The following CD40 variants were observed in gnomAD, a reference collection of about 807,000 sequenced individuals.
CD40 encodes CD40 molecule.
A neutral mutation model predicts 38.5 loss-of-function variants in CD40; 19 were observed. That is an observed-to-expected ratio of 0.49 (90% CI 0.34 to 0.72). CD40 has a LOEUF of 0.72. Ranked by LOEUF, CD40 falls within the 30% of genes least tolerant of loss-of-function variation. CD40 has a pLI of 0.01. For synonymous variants in CD40, 130 were observed against 128.7 expected (o/e 1.01, Z -0.07); for missense variants, 256 against 344.1 (o/e 0.74, Z 2.03).
intron 5 of CD40, among the ~76,000 whole-genome samples, chr20:46,125,299 A>T (rs1186962673): frequency 1.3e-5 from 2 of 151,310 alleles, no homozygotes; most frequent in Non-Finnish European, 2.9e-5. Flanking sequence ...TAATTGCAGC[A>T]CTTTGGGAGG....
Position 46,128,143 on chromosome 20 carries a change from C to G in CD40, c.565C>G (p.Gln189Glu). 1 of 1,613,796 alleles carries G rather than the reference C, an allele frequency of 6.2e-7. No homozygotes were observed. Among genetic ancestry groups the G allele is most frequent in the Non-Finnish European group, 8.5e-7 (1 of 1,179,898 alleles). The part of the protein sequence containing the change: ...TNKTDVVCGP[Q>E]DRLRALVVIP... ...TGAAGTCCTGATTTCTCCAGGTCCC[C>G]AGGATCGGCTGAGAGCCCTGGTGGT... is the stretch of plus-strand genomic sequence containing the variant. The change falls in exon 7 of 9, where the codon CAG (glutamine) becomes GAG (glutamate). Residue 189 changes from glutamine (Q) to glutamate (E), a missense_variant. Coordinates refer to ENST00000372285, the MANE Select transcript of CD40 (RefSeq NM_001250.6).
At chr20:46,119,892 G>C (rs1277671349) in intron 1 of CD40, among the ~76,000 whole-genome samples, 1 of 152,168 alleles carries the variant, frequency 6.6e-6, no homozygotes, top group Non-Finnish European at 1.5e-5. Context: ...CCAGAACTAT[G>C]GGGAGTGAGA....
chr20:46,122,410 A>G lies in CD40; in HGVS notation c.256+52A>G. 9 of 1,612,550 alleles carry G rather than the reference A, an allele frequency of 5.6e-6. No individual in the cohort carries two copies. Among genetic ancestry groups the G allele is most frequent in the Non-Finnish European group, 7.6e-6 (9 of 1,179,162 alleles). The stretch of plus-strand genomic sequence containing the variant: ...CTTGGGAACCGGGCTGATATTCCCG[A>G]CAATGCAGCCATTCTAATTTTATGT... On this transcript the variant is annotated intron_variant, in intron 3 of 8. Transcript: ENST00000372285. This position sits in a 1 kb window ranked among gnomAD's most constrained non-coding sequence, Gnocchi z 5.0.
Position 46,118,420 on chromosome 20 carries a change from C to A in CD40, c.51+26C>A, listed in dbSNP as rs759667623. 7 of 1,435,656 alleles carry A rather than the reference C, an allele frequency of 4.9e-6. No individual in the cohort carries two copies. In the African/African-American group the frequency reaches 8.7e-5, roughly 18 times the overall value. The allele number at this position is 1,435,656 out of a possible 1,614,324, so 88.9% of individuals were successfully genotyped here. ...GTGAGTTGTTTTTGCCCCGACCAGA[C>A]GGGAGTTGGGAGTGGGGAATGAGAA... On this transcript the variant is annotated intron_variant, in intron 1 of 8. Coordinates refer to ENST00000372285, the MANE Select transcript of CD40 (RefSeq NM_001250.6).
At chr20:46,124,751 GTTTTTTTTTT>G (rs780015926) in intron 5 of CD40, among the ~76,000 whole-genome samples, 119 of 73,936 alleles carry the variant, frequency 1.6e-3, no homozygotes, top group Admixed American at 5.5e-3. Context: ...CACTGGTATA[GTTTTTTTTTT>G]TTTTTTTTTT....
At position 46,121,843 on chromosome 20, in the gene CD40, A is replaced by T; in HGVS notation, c.75A>T (p.Ala25=). Residue 25 remains alanine, a synonymous_variant, in exon 2 of 9, where the codon GCA becomes GCT. Transcript: ENST00000372285. ...LTAVHPEPPT[A]CREKQYLINS... is the part of the protein sequence containing the mutation. ...AGGTCCATCCAGAACCACCCACTGCATGCAGAGAAAAACAGTACCTAATAA... is the reference window on the plus strand; with the variant it reads ...AGGTCCATCCAGAACCACCCACTGCTTGCAGAGAAAAACAGTACCTAATAA... The T allele has an allele frequency of 1.2e-6, 2 of 1,614,190 alleles. No individual in the cohort carries two copies. Among genetic ancestry groups the T allele is most frequent in the Non-Finnish European group, 1.7e-6 (2 of 1,179,988 alleles).
intron 5 of CD40, among the ~76,000 whole-genome samples, chr20:46,124,144 C>G (rs2085374423): frequency 6.6e-6 from 1 of 151,934 alleles, no homozygotes; most frequent in African/African-American, 2.4e-5. Flanking sequence ...CTAAAAATAC[C>G]AAAAAATTAG....
In CD40 at chr20:46,128,892, C is replaced by T. The variant is rs1181406636; in HGVS notation, c.686C>T (p.Pro229Leu). The T allele has an allele frequency of 8.1e-6, 13 of 1,614,012 alleles. No individual in the cohort carries two copies. Among genetic ancestry groups the T allele is most frequent in the Non-Finnish European group, 1.0e-5 (12 of 1,180,004 alleles). ...AKKPTNKAPH[P>L]KQEPQEINFP... ...ACCTTGCCTCTCCAGGCCCCCCACC[C>T]CAAGCAGGAACCCCAGGAGATCAAT... is the stretch of plus-strand genomic sequence containing the variant. The change falls in exon 9 of 9, where the codon CCC becomes CTC. Residue 229 changes from proline (P) to leucine (L), a missense_variant. Pro to Leu is a moderately conservative substitution (Grantham distance 98). Transcript: ENST00000372285.
At chr20:46,118,520 T>A in intron 1 of CD40, 126 bp downstream of exon 1, 1 of 560,958 alleles carries the variant, frequency 1.8e-6, no homozygotes. Context: ...GGGTGGGAGC[T>A]GGGCAAGGTG....
At chr20:46,127,843 G>A (rs1213907377) in intron 6 of CD40, 4 of 475,848 alleles carry the variant, frequency 8.4e-6, no homozygotes, top group South Asian at 6.2e-5. Flanking sequence ...CCCAGGTGGG[G>A]AGGCTGCCAA....
intron 1 of CD40, among the ~76,000 whole-genome samples, chr20:46,120,311 G>A (rs1568904264): frequency 6.6e-6 from 1 of 152,216 alleles, no homozygotes; most frequent in Non-Finnish European, 1.5e-5. Context: ...TGCAGGGCAG[G>A]CATTATTACT....
chr20:46,123,751 C>T (rs1360702445), intron 5 of CD40, among the ~76,000 whole-genome samples: 1 of 152,138 alleles, frequency 6.6e-6, no homozygotes, highest in East Asian at 1.9e-4. Context: ...GCCTCTGTCT[C>T]TCCCCTCCTG....
chr20:46,118,851 G>C (rs1292027034), intron 1 of CD40, among the ~76,000 whole-genome samples: 1 of 152,230 alleles, frequency 6.6e-6, no homozygotes, highest in Admixed American at 6.5e-5. Context: ...GCATCTTGTG[G>C]GAACAAGAGA....
At chr20:46,123,745 C>CT (rs1322250410) in intron 5 of CD40, among the ~76,000 whole-genome samples, 1 of 149,260 alleles carries the variant, frequency 6.7e-6, no homozygotes, top group Non-Finnish European at 1.5e-5. Context: ...CTCCCTGCCT[C>CT]TGTCTCTCCC....
intron 5 of CD40, 72 bp downstream of exon 5, chr20:46,123,291 C>A: frequency 1.8e-6 from 2 of 1,131,682 alleles, no homozygotes; most frequent in East Asian, 2.3e-5. Flanking sequence ...CTCCAGCCAC[C>A]TGTCCTGTCC....
intron 1 of CD40, 69 bp from the exon 2 acceptor site, chr20:46,121,751 T>C: frequency 8.2e-7 from 1 of 1,216,664 alleles, no homozygotes; most frequent in East Asian, 2.3e-5. Flanking sequence ...GGATGACTTT[T>C]ACCTTTCTGC....
At chr20:46,125,733 G>C (rs1275999724) in intron 5 of CD40, among the ~76,000 whole-genome samples, 1 of 152,060 alleles carries the variant, frequency 6.6e-6, no homozygotes, top group East Asian at 1.9e-4. Flanking sequence ...TCTCCTGGCT[G>C]GCCACTCTTC....
chr20:46,128,358 G>T lies in CD40; in HGVS notation c.675G>T (p.Lys225Asn). 6.2e-7 allele frequency: 1 copy of T among 1,600,780 alleles called. No homozygotes were observed. Among genetic ancestry groups the T allele is most frequent in the Non-Finnish European group, 8.5e-7 (1 of 1,174,124 alleles). The change falls in exon 8 of 9, where the codon AAG (lysine) becomes AAT (asparagine). Residue 225 changes from lysine (K) to asparagine (N), a missense_variant and splice_region_variant. Transcript: ENST00000372285. ...AGGTGGCCAAGAAGCCAACCAATAA[G>T]GTAGGTCACCCCTGAGAACCCGGGA... ...IKKVAKKPTN[K>N]APHPKQEPQE...
chr20:46,126,309 AGCCTTG>A (rs748489128), intron 5 of CD40, among the ~76,000 whole-genome samples: 6 of 148,428 alleles, frequency 4.0e-5, no homozygotes, highest in Non-Finnish European at 8.9e-5. Context: ...TCTCCATTCC[AGCCTTG>A]GTGGATTCTG....
Sources: allele counts gnomAD v4.1 joint callset (sites outside exome capture counted in the v4.1 genomes callset), GRCh38; gene constraint gnomAD v4.1.1; non-coding constraint Gnocchi (gnomAD v3.1); transcripts MANE v1.5; gene names NCBI Gene and HGNC (gene_info 2026-07-23, HGNC 2026-07-21).